TBATA: variants seen among roughly 807,000 people sequenced by gnomAD.
TBATA encodes thymus, brain and testes associated, also known as protein TBATA.
A neutral mutation model predicts 38.7 loss-of-function variants in TBATA; 47 were observed. The ratio of observed to expected loss-of-function variants is 1.21; its 90% CI spans 0.96 to 1.55. TBATA has a LOEUF of 1.55. Among genes scored for constraint, TBATA ranks in the 40% most tolerant of loss-of-function variants. The probability of loss-of-function intolerance (pLI) is 0.00; values close to 1 mark genes in which losing one functional copy is unlikely to be tolerated. For missense variants in TBATA, 436 were observed against 435.6 expected, an observed-to-expected ratio of 1.00 and a Z score of -0.01; for synonymous variants, 183 against 170.5, an observed-to-expected ratio of 1.07 and a Z score of -0.57.
At chr10:70,779,850 A>G in intron 4 of TBATA, 108 bp from the exon 5 acceptor site, 4 of 1,149,034 alleles carry the variant, frequency 3.5e-6, no homozygotes, top group South Asian at 3.4e-5. Flanking sequence ...CACCTCTTCC[A>G]GTAACCACCA....
At position 70,777,250 on chromosome 10, in the gene TBATA, G is replaced by T; in HGVS notation, c.596C>A (p.Ala199Asp). 1 of 1,613,616 alleles carries T rather than the reference G, an allele frequency of 6.2e-7. No individual in the cohort carries two copies. ...CTGGTGAGATCTGCGGCGGCCGACA[G>T]CCCGGGTGGAAGCGGGGATGAGCCT... ...TGRLIPASTR[A>D]VGRRRSHQGQ... The change falls in exon 7 of 11, where the codon GCT becomes GAT. Residue 199 changes from alanine to aspartate, a missense_variant. By Grantham distance (126) the Ala-to-Asp change is moderately radical. Transcript: ENST00000456372.
At position 70,783,191 on chromosome 10, in the gene TBATA, G is replaced by C. The variant is rs896292542; in HGVS notation, c.41+148C>G. 149 of 865,732 alleles carry C rather than the reference G, an allele frequency of 1.7e-4. 1 individual carries two copies. Among genetic ancestry groups the C allele is most frequent in the Non-Finnish European group, 2.5e-4 (137 of 543,874 alleles). 53.6% of individuals were successfully genotyped at this position (865,732 alleles called of 1,614,324 possible). On this transcript the variant is annotated intron_variant, in intron 3 of 10. Transcript: ENST00000456372. ...AACTTGAGCCTGAGGACCCATTGGGGGGTCTGGCTGACCGGCAGCAGAAGT... is the reference window on the plus strand; with the variant it reads ...AACTTGAGCCTGAGGACCCATTGGGCGGTCTGGCTGACCGGCAGCAGAAGT...
At chr10:70,782,490 C>G in intron 3 of TBATA, 1 of 1,287,912 alleles carries the variant, frequency 7.8e-7, no homozygotes, top group Non-Finnish European at 1.0e-6. Flanking sequence ...CATCCTCCCC[C>G]ATGCACTCAG....
intron 3 of TBATA, among the ~76,000 whole-genome samples, chr10:70,782,850 G>A (rs535831452): frequency 6.6e-6 from 1 of 152,330 alleles, no homozygotes; most frequent in East Asian, 1.9e-4. Flanking sequence ...GGTGGCCCTG[G>A]CTGAAGGGAG....
rs745650110 is a variant in TBATA, at chr10:70,781,842, GAGA to G, written c.233_235del (p.Phe78del). 7.4e-6 allele frequency: 12 copies of G among 1,614,028 alleles called. No individual in the cohort carries two copies. Among genetic ancestry groups the G allele is most frequent in the African/African-American group, 5.3e-5 (4 of 74,956 alleles). On this transcript the variant is annotated inframe_deletion, in exon 4 of 11. Coordinates refer to ENST00000456372, the MANE Select transcript of TBATA (RefSeq NM_001318241.2). ...GTGCTGGGGGTGTGGGTGGTGCCGG[GAGA>G]AGAAGGAGTGGTGACTGAGGCGTCC...
intron 5 of TBATA, 118 bp downstream of exon 5, chr10:70,779,475 A>G (rs2132924825): frequency 8.2e-7 from 1 of 1,212,978 alleles, no homozygotes; most frequent in Non-Finnish European, 1.1e-6. Context: ...GGTTCCCCCA[A>G]CGGACCTCAC....
chr10:70,779,855 C>A, intron 4 of TBATA, 113 bp from the exon 5 acceptor site: 1 of 1,121,950 alleles, frequency 8.9e-7, no homozygotes, highest in Non-Finnish European at 1.2e-6. Context: ...CTTCCAGTAA[C>A]CACCAGCTGA....
rs1554826970 is a variant in TBATA, at chr10:70,774,372, C to CG, written c.776-16dup. ...GAGGTCTTTTTCTGAAAGCACAGCC[C>CG]GGGGGCAGTGTCCTCAGCCCCCAGC... On this transcript the variant is annotated splice_polypyrimidine_tract_variant and intron_variant, in intron 8 of 10. Coordinates refer to ENST00000456372, the MANE Select transcript of TBATA (RefSeq NM_001318241.2). The CG allele has an allele frequency of 6.4e-7, 1 of 1,574,026 alleles. No homozygotes were observed. Among genetic ancestry groups the CG allele is most frequent in the Non-Finnish European group, 8.6e-7 (1 of 1,159,976 alleles).
chr10:70,772,403 G>A (rs1370583358), intron 10 of TBATA, 111 bp downstream of exon 10: 10 of 983,900 alleles, frequency 1.0e-5, no homozygotes, highest in African/African-American at 3.2e-5. Flanking sequence ...GATGAAATGA[G>A]CAGCATCCTT....
chr10:70,775,809 C>T (rs977692375), intron 7 of TBATA, among the ~76,000 whole-genome samples: 4 of 152,214 alleles, frequency 2.6e-5, no homozygotes, highest in Non-Finnish European at 5.9e-5. Flanking sequence ...CAGAGGGCAG[C>T]CTGAGGCGGG....
At chr10:70,775,797 C>T (rs1176945247) in intron 7 of TBATA, among the ~76,000 whole-genome samples, 5 of 152,162 alleles carry the variant, frequency 3.3e-5, no homozygotes. Context: ...ATGGGGGAAG[C>T]CCAGAGGGCA....
chr10:70,776,107 C>A (rs189359993), intron 7 of TBATA, among the ~76,000 whole-genome samples: 122 of 152,258 alleles, frequency 8.0e-4, no homozygotes, highest in African/African-American at 2.7e-3. Flanking sequence ...GAAAGTGAGG[C>A]CCCCTCAGCT....
intron 4 of TBATA, 131 bp downstream of exon 4, chr10:70,781,670 C>T: frequency 1.0e-5 from 9 of 887,924 alleles, no homozygotes; most frequent in Non-Finnish European, 1.6e-5. Flanking sequence ...TCTTTGGCAG[C>T]CCTGGGATCC....
At chr10:70,780,322 G>T (rs1398248904) in intron 4 of TBATA, among the ~76,000 whole-genome samples, 1 of 152,092 alleles carries the variant, frequency 6.6e-6, no homozygotes, top group Non-Finnish European at 1.5e-5. Context: ...ACTATTGACA[G>T]TGAGGCTTGA....
rs1843898101 is a variant in TBATA at position 70,779,701 on chromosome 10, C to T, written c.319G>A (p.Ala107Thr). The T allele has an allele frequency of 1.3e-6, 2 of 1,538,322 alleles. No homozygotes were observed. The highest frequency in any genetic ancestry group is 2.9e-5 in the African/African-American group (2 of 69,230). The change falls in exon 5 of 11, where the codon GCC (alanine) becomes ACC (threonine). Residue 107 changes from alanine (A) to threonine (T), a missense_variant. Transcript: ENST00000456372. ...AAGACAGTTGACTCAGGCAAGGGGG[C>T]TGGAAAATCCCTGACGACACAGACA... ...KPVCVVRDFPAPLPESTVFSG... is the reference protein window; with the variant it reads ...KPVCVVRDFPTPLPESTVFSG...
chr10:70,782,222 T>C, intron 3 of TBATA, 186 bp from the exon 4 acceptor site: 2 of 1,359,552 alleles, frequency 1.5e-6, no homozygotes, highest in African/African-American at 1.4e-5. Context: ...TCCCAACTGG[T>C]GCAATCCTGT....
At chr10:70,771,490 G>C in intron 10 of TBATA, 29 bp from the exon 11 acceptor site, 1 of 1,607,036 alleles carries the variant, frequency 6.2e-7, no homozygotes, top group African/African-American at 1.3e-5. Context: ...GCAGGCAGGA[G>C]AGGACCGGGA....
chr10:70,771,597 C>A lies in TBATA; in HGVS notation c.974-136G>T, dbSNP rs184139643. On this transcript the variant is annotated intron_variant, in intron 10 of 10. Coordinates refer to ENST00000456372, the MANE Select transcript of TBATA (RefSeq NM_001318241.2). The stretch of plus-strand genomic sequence containing the variant: ...CTCCTGCTCTCAGCTCTGCTGGTGA[C>A]CGAGGAGGGAATCCAACCTGAGAGG... 49 of 771,964 alleles carry A rather than the reference C, an allele frequency of 6.3e-5. No homozygotes were observed. In the Admixed American group the frequency reaches 1.3e-3, roughly 20 times the overall value. The allele number at this position is 771,964 out of a possible 1,614,324, so 47.8% of individuals were successfully genotyped here.
Position 70,774,369 on chromosome 10 carries a change from G to C in TBATA, c.776-12C>G. On this transcript the variant is annotated splice_polypyrimidine_tract_variant and intron_variant, in intron 8 of 10. Transcript: ENST00000456372. ...AGCGAGGTCTTTTTCTGAAAGCACA[G>C]CCCGGGGGCAGTGTCCTCAGCCCCC... 1 of 1,576,772 alleles carries C rather than the reference G, an allele frequency of 6.3e-7. No homozygotes were observed. The highest frequency in any genetic ancestry group is 1.7e-4 in the Middle Eastern group (1 of 5,976).
Sources: gnomAD v4.1 joint callset for allele counts (sites outside exome capture counted in the v4.1 genomes callset) on GRCh38, gnomAD v4.1.1 for gene constraint, MANE v1.5 for transcripts, NCBI Gene and HGNC (gene_info 2026-07-23, HGNC 2026-07-21) for gene names.